The following ZCWPW2 variants were observed in gnomAD, a reference collection of about 807,000 sequenced individuals.
ZCWPW2 encodes the protein zinc finger CW-type and PWWP domain containing 2.
Under a neutral mutation model 46.6 loss-of-function variants are expected in ZCWPW2, and 45 were observed. The ratio of observed to expected loss-of-function variants is 0.96; its 90% CI spans 0.76 to 1.24. ZCWPW2 has a LOEUF of 1.24. Among genes scored for constraint, ZCWPW2 ranks in the 50% most tolerant of loss-of-function variants. ZCWPW2 has a pLI of 0.00. For missense variants in ZCWPW2, 429 were observed against 403.9 expected, an observed-to-expected ratio of 1.06 and a Z score of -0.53; for synonymous variants, 152 against 137.1, an observed-to-expected ratio of 1.11 and a Z score of -0.76.
chr3:28,473,042 C>G (rs1470312632), intron 4 of ZCWPW2, among the ~76,000 whole-genome samples: 1 of 152,098 alleles, frequency 6.6e-6, no homozygotes, highest in Non-Finnish European at 1.5e-5. Flanking sequence ...TTATTTTACC[C>G]CAGTTAAAGT....
intron 7 of ZCWPW2, among the ~76,000 whole-genome samples, chr3:28,514,335 C>G (rs1199632153): frequency 6.6e-6 from 1 of 151,922 alleles, no homozygotes; most frequent in African/African-American, 2.4e-5. Context: ...CTCCCCCTTA[C>G]ATAACTTCAT....
intron 1 of ZCWPW2, among the ~76,000 whole-genome samples, chr3:28,364,449 G>A (rs9821010): frequency 0.048 from 7,335 of 151,832 alleles, 578 homozygotes; most frequent in African/African-American, 0.16. Flanking sequence ...TTCATACAAT[G>A]ACTTTTTTTT....
intron 4 of ZCWPW2, among the ~76,000 whole-genome samples, chr3:28,439,995 G>A (rs1180681779): frequency 6.6e-6 from 1 of 151,946 alleles, no homozygotes; most frequent in Non-Finnish European, 1.5e-5. Context: ...TTTTTTTCCT[G>A]GTGAAGTGAC....
intron 4 of ZCWPW2, among the ~76,000 whole-genome samples, chr3:28,451,729 A>G: frequency 6.6e-6 from 1 of 152,240 alleles, no homozygotes; most frequent in East Asian, 1.9e-4. Context: ...GTCTGTGATA[A>G]GGATTAGTAA....
At chr3:28,369,350 C>A (rs928180928) in intron 1 of ZCWPW2, among the ~76,000 whole-genome samples, 4 of 152,116 alleles carry the variant, frequency 2.6e-5, no homozygotes, top group Non-Finnish European at 5.9e-5. Flanking sequence ...GATGTCCTTT[C>A]TGTTTGTTAG....
chr3:28,463,756 C>G (rs1029358391), intron 4 of ZCWPW2, among the ~76,000 whole-genome samples: 3 of 151,808 alleles, frequency 2.0e-5, no homozygotes, highest in African/African-American at 7.3e-5. Flanking sequence ...TGGGAGGATC[C>G]CTTGAGCTCA....
intron 8 of ZCWPW2, among the ~76,000 whole-genome samples, chr3:28,518,370 T>C (rs1700634981): frequency 2.6e-5 from 4 of 152,148 alleles, no homozygotes; most frequent in Admixed American, 6.6e-5. Context: ...GTCCGTATCT[T>C]TGGAGGATAT....
At chr3:28,407,117 G>A (rs1012312449) in intron 2 of ZCWPW2, among the ~76,000 whole-genome samples, 1 of 152,168 alleles carries the variant, frequency 6.6e-6, no homozygotes, top group East Asian at 1.9e-4. Context: ...ATGAGCCATT[G>A]CACCTGGCGA....
chr3:28,460,978 CTA>C (rs1181321314), intron 4 of ZCWPW2: 1 of 264,726 alleles, frequency 3.8e-6, no homozygotes, highest in East Asian at 9.7e-5. Flanking sequence ...ATTATGAGAT[CTA>C]TGACTTATAT....
intron 3 of ZCWPW2, among the ~76,000 whole-genome samples, chr3:28,429,693 A>G (rs1697167664): frequency 6.6e-6 from 1 of 152,168 alleles, no homozygotes; most frequent in African/African-American, 2.4e-5. Flanking sequence ...CTAGGAGGAA[A>G]TAATGGTTTC....
chr3:28,507,491 CTT>C (rs397941054), intron 6 of ZCWPW2, among the ~76,000 whole-genome samples: 4 of 143,570 alleles, frequency 2.8e-5, no homozygotes, highest in Non-Finnish European at 3.1e-5. Context: ...TATCAATATT[CTT>C]TTTTTTTTTT....
chr3:28,389,659 T>C lies in ZCWPW2; in HGVS notation c.-133-839T>C, dbSNP rs1695411447. Among the ~76,000 whole-genome samples the C allele has an allele frequency of 3.9e-5, 6 of 152,194 alleles. 1 individual carries two copies. The South Asian group carries it at 1.2e-3, about 31-fold the overall frequency. On this transcript the variant is annotated intron_variant, in intron 1 of 9. Coordinates refer to ENST00000383768, the MANE Select transcript of ZCWPW2 (RefSeq NM_001040432.4). ...TTTGTTCTTTTAGAACAATTCCCAG[T>C]ACCAGAATCTGTCTTAGAGTTCTTC...
At chr3:28,520,475 T>C (rs1447554827) in intron 8 of ZCWPW2, among the ~76,000 whole-genome samples, 1 of 152,186 alleles carries the variant, frequency 6.6e-6, no homozygotes, top group East Asian at 1.9e-4. Flanking sequence ...ATTGGCAAAC[T>C]GTGGTCACCA....
At chr3:28,353,395 A>G (rs1704625053) in intron 1 of ZCWPW2, among the ~76,000 whole-genome samples, 1 of 152,180 alleles carries the variant, frequency 6.6e-6, no homozygotes, top group African/African-American at 2.4e-5. Flanking sequence ...ATGTTGGGAT[A>G]AGCTAATGTG....
At chr3:28,454,275 T>C (rs1698343743) in intron 4 of ZCWPW2, among the ~76,000 whole-genome samples, 1 of 152,210 alleles carries the variant, frequency 6.6e-6, no homozygotes, top group South Asian at 2.1e-4. Context: ...ATAGTGCTGA[T>C]ATCATGAAGC....
chr3:28,422,750 G>C (rs1338500117), intron 3 of ZCWPW2, among the ~76,000 whole-genome samples: 1 of 151,976 alleles, frequency 6.6e-6, no homozygotes, highest in East Asian at 1.9e-4. Flanking sequence ...GCAATTGCTG[G>C]ACAGTATGCT....
chr3:28,449,142 C>A (rs892040676), intron 4 of ZCWPW2, among the ~76,000 whole-genome samples: 2 of 152,048 alleles, frequency 1.3e-5, no homozygotes, highest in Non-Finnish European at 2.9e-5. Context: ...GGGGAAAGGA[C>A]AATCTTATCA....
chr3:28,512,641 C>T (rs1700459005), intron 6 of ZCWPW2, among the ~76,000 whole-genome samples: 1 of 152,100 alleles, frequency 6.6e-6, no homozygotes, highest in Non-Finnish European at 1.5e-5. Flanking sequence ...ATTTTTGTCT[C>T]TCACTGCTAT....
chr3:28,348,809 G>T lies in ZCWPW2; in HGVS notation c.-528G>T, dbSNP rs991897290. 1 of 287,166 alleles carries T rather than the reference G, an allele frequency of 3.5e-6. No individual in the cohort carries two copies. The highest frequency in any genetic ancestry group is 5.2e-6 in the Non-Finnish European group (1 of 191,324). The allele number at this position is 287,166 out of a possible 1,614,324, so 17.8% of individuals were successfully genotyped here. On this transcript the variant is annotated 5_prime_UTR_variant, in exon 1 of 10. Transcript: ENST00000383768. ...TTCTTCTGACTCGGCAGGAGCCCGG[G>T]ACGTTCTGGAAGGAGGGACGAGCCG...
Sources: allele counts gnomAD v4.1 joint callset (sites outside exome capture counted in the v4.1 genomes callset), GRCh38; gene constraint gnomAD v4.1.1; transcripts MANE v1.5; gene names NCBI Gene and HGNC (gene_info 2026-07-23, HGNC 2026-07-21).